NAV3: variants seen among roughly 807,000 people sequenced by gnomAD.
NAV3 encodes pore membrane and/or filament interacting like protein 1.
NAV3 carries 87 observed loss-of-function variants against 244.7 expected under a neutral mutation model. The ratio of observed to expected loss-of-function variants is 0.36; its 90% CI spans 0.30 to 0.42. The LOEUF (loss-of-function observed/expected upper bound fraction) is 0.42. Among genes scored for constraint, NAV3 ranks in the 20% least tolerant of loss-of-function variants. NAV3 has a pLI of 1.00. For missense variants in NAV3, 2,663 were observed against 2,893.3 expected, an observed-to-expected ratio of 0.92 and a Z score of 1.83; for synonymous variants, 1,126 against 1,042.2, an observed-to-expected ratio of 1.08 and a Z score of -1.55.
At chr12:78,134,060 C>T (rs1267375915) in intron 18 of NAV3, among the ~76,000 whole-genome samples, 2 of 152,308 alleles carry the variant, frequency 1.3e-5, no homozygotes, top group South Asian at 2.1e-4. Context: ...TTAATGTCAA[C>T]CTGTCACTTC....
chr12:77,770,391 T>G (rs1870016644), intron 2 of NAV3, among the ~76,000 whole-genome samples: 1 of 152,280 alleles, frequency 6.6e-6, no homozygotes, highest in African/African-American at 2.4e-5. Flanking sequence ...GCCTTGGAGA[T>G]GGATGTCATT....
At chr12:77,799,036 C>T (rs1169031472) in intron 2 of NAV3, among the ~76,000 whole-genome samples, 2 of 152,194 alleles carry the variant, frequency 1.3e-5, no homozygotes, top group Non-Finnish European at 2.9e-5. Flanking sequence ...GATAACCTTG[C>T]TCACATGTAT....
intron 2 of NAV3, among the ~76,000 whole-genome samples, chr12:77,656,937 T>C (rs1873139548): frequency 2.6e-5 from 4 of 152,010 alleles, no homozygotes; most frequent in Admixed American, 2.6e-4. Context: ...CATACCAGAA[T>C]CTCTGGGACA....
chr12:77,645,000 T>C (rs973148443), intron 2 of NAV3, among the ~76,000 whole-genome samples: 5 of 152,006 alleles, frequency 3.3e-5, no homozygotes, highest in Non-Finnish European at 5.9e-5. Flanking sequence ...GAGCAAAAAT[T>C]TGCAGTGCTT....
rs190109304 is a variant in NAV3 at position 77,672,566 on chromosome 12, A to G, written c.72+100300A>G. The stretch of plus-strand genomic sequence containing the variant: ...TGTGTGTGTATGTGTGTGTGTGTGT[A>G]TATATGGCTGAGTAGTATTCCATGG... On this transcript the variant is annotated intron_variant, in intron 2 of 8. Transcript: ENST00000550042. Among the ~76,000 whole-genome samples, 311 of 152,104 alleles carry G rather than the reference A, an allele frequency of 2.0e-3. 2 individuals carry two copies. The highest frequency in any genetic ancestry group is 7.1e-3 in the African/African-American group (295 of 41,510).
intron 1 of NAV3, among the ~76,000 whole-genome samples, chr12:77,864,006 A>G (rs1879643953): frequency 1.3e-5 from 2 of 151,906 alleles, no homozygotes; most frequent in Admixed American, 6.6e-5. Flanking sequence ...CTGTAAAAAT[A>G]CAACTTTTAT....
At chr12:77,718,382 A>G (rs1226801967) in intron 2 of NAV3, among the ~76,000 whole-genome samples, 1 of 152,126 alleles carries the variant, frequency 6.6e-6, no homozygotes, top group East Asian at 1.9e-4. Context: ...TCATTTGACC[A>G]ATTTATGCAT....
intron 2 of NAV3, among the ~76,000 whole-genome samples, chr12:77,742,539 A>G (rs1868356362): frequency 6.6e-6 from 1 of 152,102 alleles, no homozygotes; most frequent in African/African-American, 2.4e-5. Flanking sequence ...GGGATGTCAT[A>G]AATGTATAAA....
At chr12:77,889,770 A>G (rs1483058033) in intron 1 of NAV3, among the ~76,000 whole-genome samples, 3 of 152,234 alleles carry the variant, frequency 2.0e-5, no homozygotes, top group Non-Finnish European at 2.9e-5. Flanking sequence ...AGTACAATTT[A>G]TATGTATAGT....
At chr12:78,167,834 A>G (rs1957841488) in intron 23 of NAV3, among the ~76,000 whole-genome samples, 1 of 151,312 alleles carries the variant, frequency 6.6e-6, no homozygotes, top group Non-Finnish European at 1.5e-5. Flanking sequence ...TTCTAATGGA[A>G]ATATGGTCTA....
intron 2 of NAV3, among the ~76,000 whole-genome samples, chr12:77,715,955 A>T (rs915139431): frequency 2.0e-5 from 3 of 152,088 alleles, no homozygotes; most frequent in Admixed American, 6.6e-5. Flanking sequence ...TTTCAGTGCT[A>T]TATAGAGTTG....
intron 12 of NAV3, among the ~76,000 whole-genome samples, chr12:78,107,164 T>C (rs922673957): frequency 3.3e-5 from 5 of 152,088 alleles, no homozygotes; most frequent in Non-Finnish European, 7.4e-5. Context: ...AGAAAGAATC[T>C]CAGAAGGTAA....
chr12:77,669,303 G>A (rs903967808), intron 2 of NAV3, among the ~76,000 whole-genome samples: 10 of 152,106 alleles, frequency 6.6e-5, no homozygotes, highest in East Asian at 1.9e-4. Context: ...AAAAAACAAC[G>A]TATTCAGGCA....
At chr12:77,934,233 G>T (rs564872545) in intron 1 of NAV3, among the ~76,000 whole-genome samples, 1 of 152,046 alleles carries the variant, frequency 6.6e-6, no homozygotes, top group Non-Finnish European at 1.5e-5. Flanking sequence ...ATGAGTGCCC[G>T]AAGGTAGGAT....
chr12:78,167,162 A>G (rs1201954854), intron 23 of NAV3, among the ~76,000 whole-genome samples: 1 of 151,790 alleles, frequency 6.6e-6, no homozygotes, highest in Non-Finnish European at 1.5e-5. Context: ...TTGGCAGTGG[A>G]CAGAATATAA....
At chr12:77,910,276 G>A (rs1197200852) in intron 1 of NAV3, among the ~76,000 whole-genome samples, 1 of 152,020 alleles carries the variant, frequency 6.6e-6, no homozygotes, top group African/African-American at 2.4e-5. Flanking sequence ...AGGTGAAGGG[G>A]GAGCAGGCAG....
intron 1 of NAV3, among the ~76,000 whole-genome samples, chr12:77,844,648 T>C (rs1440377068): frequency 1.3e-5 from 2 of 152,356 alleles, no homozygotes; most frequent in Non-Finnish European, 1.5e-5. Context: ...TATGGACTTG[T>C]TTTAAATTTT....
At chr12:77,656,123 TA>T (rs1674671374) in intron 2 of NAV3, among the ~76,000 whole-genome samples, 3 of 151,148 alleles carry the variant, frequency 2.0e-5, no homozygotes, top group South Asian at 4.2e-4. Context: ...ACTTTAAATG[TA>T]AATGGACTAA....
rs145978751 is a variant in NAV3, at chr12:77,875,518, G to A, written c.243+43814G>A. Among the ~76,000 whole-genome samples, 1,194 of 151,746 alleles carry A rather than the reference G, an allele frequency of 7.9e-3. 13 individuals carry two copies. The highest frequency in any genetic ancestry group is 0.014 in the Non-Finnish European group (940 of 67,856). On this transcript the variant is annotated intron_variant, in intron 1 of 39. Transcript: ENST00000397909. ...TTGTTTCATTCACTACTGTGTTCTCGGTTCCTGAAATACTGCCTGGCATAT... is the reference window on the plus strand; with the variant it reads ...TTGTTTCATTCACTACTGTGTTCTCAGTTCCTGAAATACTGCCTGGCATAT...
Sources: gnomAD v4.1 joint callset for allele counts (sites outside exome capture counted in the v4.1 genomes callset) on GRCh38, gnomAD v4.1.1 for gene constraint, MANE v1.5 for transcripts, NCBI Gene and HGNC (gene_info 2026-07-23, HGNC 2026-07-21) for gene names.